RUBCN: variants seen among roughly 807,000 people sequenced by gnomAD.
RUBCN encodes the protein run domain Beclin-1-interacting and cysteine-rich domain-containing protein.
In RUBCN, 74 loss-of-function variants were observed where a neutral mutation model predicts 113.2. The ratio of observed to expected loss-of-function variants is 0.65; its 90% CI spans 0.54 to 0.79. The LOEUF is 0.79. Ranked by LOEUF, RUBCN falls within the 30% of genes least tolerant of loss-of-function variation. The pLI, the probability that RUBCN is intolerant of heterozygous loss-of-function variation, is 0.00. For missense variants in RUBCN, 1,109 were observed against 1,251.7 expected (o/e 0.89, Z 1.72); for synonymous variants, 480 against 490.0 (o/e 0.98, Z 0.27).
upstream of RUBCN, among the ~76,000 whole-genome samples, chr3:197,737,931 C>G (rs1728311840): frequency 1.3e-5 from 2 of 152,126 alleles, no homozygotes; most frequent in Non-Finnish European, 2.9e-5. Context: ...CTCTGTCGCC[C>G]AGGCTGGGGT....
Position 197,696,969 on chromosome 3 carries a change from G to A in RUBCN, c.1342C>T (p.Leu448=), listed in dbSNP as rs1177979072. ...TAGTACTCACCATATTCCATGTACA[G>A]AGAGCTGGGTGTGCTGACTTCACTG... ...QSSEVSTPSS[L]YMEYEGGRYL... Residue 448 remains leucine, a synonymous_variant, in exon 8 of 20, where the codon CTG becomes TTG. Transcript: ENST00000296343. 1 of 1,596,532 alleles carries A rather than the reference G, an allele frequency of 6.3e-7. No homozygotes were observed. Among genetic ancestry groups the A allele is most frequent in the South Asian group, 1.1e-5 (1 of 90,728 alleles).
chr3:197,742,777 G>A (rs1304641576), intron 1 of RUBCN, among the ~76,000 whole-genome samples: 17 of 152,240 alleles, frequency 1.1e-4, no homozygotes, highest in Admixed American at 9.8e-4. Flanking sequence ...CGCGACCCAA[G>A]AATCCTGGCT....
chr3:197,697,063 C>T lies in RUBCN; in HGVS notation c.1262-14G>A. On this transcript the variant is annotated splice_polypyrimidine_tract_variant and intron_variant, in intron 7 of 19. Coordinates refer to ENST00000296343, the MANE Select transcript of RUBCN (RefSeq NM_014687.4). The stretch of plus-strand genomic sequence containing the variant: ...CATTGCAGGATTCTAATGACGATGA[C>T]CACCAGCGAGTAAAAACACATACGA... 7.3e-7 allele frequency: 1 copy of T among 1,376,416 alleles called. No individual in the cohort carries two copies. The highest frequency in any genetic ancestry group is 1.0e-6 in the Non-Finnish European group (1 of 963,710). The allele number at this position is 1,376,416 out of a possible 1,614,324, so 85.3% of individuals were successfully genotyped here.
intron 1 of RUBCN, among the ~76,000 whole-genome samples, chr3:197,742,083 G>A (rs1195419012): frequency 8.6e-5 from 13 of 151,834 alleles, no homozygotes; most frequent in Admixed American, 8.5e-4. Context: ...TTTTAGTAGA[G>A]ACGGGGTTTC....
intron 1 of RUBCN, among the ~76,000 whole-genome samples, chr3:197,733,468 T>A (rs983420342): frequency 3.3e-5 from 5 of 152,196 alleles, no homozygotes; most frequent in African/African-American, 4.8e-5. Context: ...AGTGACACAG[T>A]GAGACCCTAT....
chr3:197,735,100 G>C (rs1299575152), intron 1 of RUBCN, among the ~76,000 whole-genome samples: 2 of 152,134 alleles, frequency 1.3e-5, no homozygotes, highest in Non-Finnish European at 2.9e-5. Flanking sequence ...GTTTCTAAAT[G>C]TCAAGTGAGG....
intron 1 of RUBCN, among the ~76,000 whole-genome samples, chr3:197,734,126 G>A (rs575698172): frequency 3.4e-4 from 51 of 151,820 alleles, no homozygotes; most frequent in African/African-American, 1.1e-3. Flanking sequence ...GCGTGGTGGC[G>A]GGCACCTGTA....
chr3:197,724,017 G>C (rs1726458425), intron 1 of RUBCN, among the ~76,000 whole-genome samples: 1 of 152,078 alleles, frequency 6.6e-6, no homozygotes, highest in South Asian at 2.1e-4. Flanking sequence ...AGAATTGCTT[G>C]AACCTGGGGG....
intron 2 of RUBCN, among the ~76,000 whole-genome samples, chr3:197,708,876 T>G (rs34689243): frequency 0.019 from 2,936 of 152,278 alleles, 50 homozygotes; most frequent in Non-Finnish European, 0.025. Context: ...TATAAAGAGT[T>G]GATACTGAAT....
At position 197,700,686 on chromosome 3, in the gene RUBCN, A is replaced by C. The variant is rs28394098; in HGVS notation, c.1188T>G (p.Thr396=). 1 of 1,613,998 alleles carries C rather than the reference A, an allele frequency of 6.2e-7. No homozygotes were observed. Among genetic ancestry groups the C allele is most frequent in the African/African-American group, 1.3e-5 (1 of 74,940 alleles). Residue 396 remains threonine, a synonymous_variant, in exon 7 of 20, where the codon ACT becomes ACG. Transcript: ENST00000296343. The part of the protein sequence containing the change: ...RSSFSEGQTL[T]VTSGAKKSHI... ...GGCTTTTCTTTGCCCCACTGGTGAC[A>C]GTGAGTGTCTGCCCCTCTGAGAAGC...
At chr3:197,684,646 T>TTA (rs931844559) in intron 11 of RUBCN, among the ~76,000 whole-genome samples, 33 of 151,450 alleles carry the variant, frequency 2.2e-4, no homozygotes, top group East Asian at 1.9e-4. Flanking sequence ...TCTGTCTGGC[T>TTA]TATATATATA....
In RUBCN at chr3:197,700,648, T is replaced by C. The variant is rs1442436985; in HGVS notation, c.1226A>G (p.His409Arg). The C allele has an allele frequency of 1.2e-6, 2 of 1,614,106 alleles. No individual in the cohort carries two copies. Among genetic ancestry groups the C allele is most frequent in the East Asian group, 2.2e-5 (1 of 44,876 alleles). The stretch of plus-strand genomic sequence containing the variant: ...CCTGGAGGCAATGCTGGTATCCGAA[T>C]GGGAGCGAATGTGGCTTTTCTTTGC... Reference protein sequence around the residue: ...SGAKKSHIRSHSDTSIASRGA... With the variant: ...SGAKKSHIRSRSDTSIASRGA... The change falls in exon 7 of 20, where the codon CAT (histidine) becomes CGT (arginine). Residue 409 changes from histidine (H) to arginine (R), a missense_variant. His to Arg is a conservative substitution (Grantham distance 29). Coordinates refer to ENST00000296343, the MANE Select transcript of RUBCN (RefSeq NM_014687.4).
chr3:197,709,668 C>A (rs1322299261), intron 2 of RUBCN, among the ~76,000 whole-genome samples: 3 of 152,128 alleles, frequency 2.0e-5, no homozygotes, highest in Admixed American at 6.6e-5. Flanking sequence ...GGGTGAGCCA[C>A]CGCGCCCGGC....
At position 197,674,988 on chromosome 3, in the gene RUBCN, G is replaced by A. The variant is rs748713210; in HGVS notation, c.*30C>T. ...CTCAGTTCTGCAACAGGTGTGACCCGGCCCGGAGGGAGGGCTGCACGTGCT... is the reference window on the plus strand; with the variant it reads ...CTCAGTTCTGCAACAGGTGTGACCCAGCCCGGAGGGAGGGCTGCACGTGCT... On this transcript the variant is annotated 3_prime_UTR_variant, in exon 20 of 20. Coordinates refer to ENST00000296343, the MANE Select transcript of RUBCN (RefSeq NM_014687.4). The A allele has an allele frequency of 6.9e-6, 11 of 1,605,600 alleles. No individual in the cohort carries two copies. Among genetic ancestry groups the A allele is most frequent in the East Asian group, 2.2e-5 (1 of 44,834 alleles).
chr3:197,748,555 T>TA (rs755229230), intron 1 of RUBCN: 1 of 152,206 alleles, frequency 6.6e-6, no homozygotes, highest in Non-Finnish European at 1.5e-5. Context: ...ATAAGACTAC[T>TA]AGGCTTACAA....
intron 1 of RUBCN, among the ~76,000 whole-genome samples, chr3:197,734,950 G>C (rs1017671475): frequency 6.6e-6 from 1 of 152,244 alleles, no homozygotes; most frequent in Admixed American, 6.5e-5. Flanking sequence ...CATAAAAGTA[G>C]AGTCACCCTT....
intron 1 of RUBCN, among the ~76,000 whole-genome samples, chr3:197,747,419 C>T (rs138559569): frequency 6.6e-6 from 1 of 151,252 alleles, no homozygotes; most frequent in African/African-American, 2.4e-5. Flanking sequence ...CAGGGTCTCA[C>T]GATGTCGCCC....
In RUBCN at chr3:197,680,995, G is replaced by A. The variant is rs1405358220; in HGVS notation, c.2430+134C>T. 1.3e-5 allele frequency: 8 copies of A among 627,340 alleles called. No individual in the cohort carries two copies. In the Admixed American group the frequency reaches 1.7e-4, roughly 14 times the overall value. The allele number at this position is 627,340 out of a possible 1,614,324, so 38.9% of individuals were successfully genotyped here. A position where few individuals can be genotyped will look rare whatever the true frequency, so the allele number is the denominator to read the frequency against. On this transcript the variant is annotated intron_variant, in intron 16 of 19. Transcript: ENST00000296343. ...ATATAACCAGGGGAGGGGACAAGGA[G>A]AGGAGACGAGGGGAGGGGATGGGGG...
Position 197,701,051 on chromosome 3 carries a change from C to A in RUBCN, c.823G>T (p.Ala275Ser). Residue 275 changes from alanine to serine, a missense_variant, in exon 7 of 20, where the codon GCC becomes TCC. Physicochemically the swap from Ala to Ser is moderately conservative, Grantham distance 99. Transcript: ENST00000296343. The stretch of plus-strand genomic sequence containing the variant: ...AGTGCAGAGACTGAAACTGGGGGGG[C>A]TTGGATGGTTTGATCCTCTGCTGGT... ...VSPAEDQTIQAPPVSVSALAR... is the reference protein window; with the variant it reads ...VSPAEDQTIQSPPVSVSALAR... The A allele has an allele frequency of 1.9e-6, 3 of 1,613,510 alleles. No individual in the cohort carries two copies. Among genetic ancestry groups the A allele is most frequent in the Non-Finnish European group, 2.5e-6 (3 of 1,179,666 alleles).
Sources: allele counts gnomAD v4.1 joint callset (sites outside exome capture counted in the v4.1 genomes callset), GRCh38; gene constraint gnomAD v4.1.1; transcripts MANE v1.5; gene names NCBI Gene and HGNC (gene_info 2026-07-23, HGNC 2026-07-21).